Variants in NKAIN3 observed in about 807,000 individuals in gnomAD.
NKAIN3 encodes the protein sodium/potassium transporting ATPase interacting 3.
Under a neutral mutation model 30.2 loss-of-function variants are expected in NKAIN3, and 25 were observed. The observed-to-expected ratio is 0.83, with a 90% CI of 0.60 to 1.16. The LOEUF (loss-of-function observed/expected upper bound fraction) is 1.16. NKAIN3 is among the 50% of genes most tolerant of loss of function. The probability of loss-of-function intolerance (pLI) is 0.00; values close to 1 mark genes in which losing one functional copy is unlikely to be tolerated. For missense variants in NKAIN3, 225 were observed against 254.1 expected (o/e 0.89, Z 0.78); for synonymous variants, 91 against 89.6 (o/e 1.02, Z -0.09).
At chr8:62,611,106 T>C (rs35460576) in intron 3 of NKAIN3, among the ~76,000 whole-genome samples, 26,797 of 152,054 alleles carry the variant, frequency 0.18, 2,791 homozygotes, top group East Asian at 0.32. Flanking sequence ...GAAAATATTT[T>C]TGAAATTTAG....
intron 1 of NKAIN3, among the ~76,000 whole-genome samples, chr8:62,551,688 T>G (rs539207929): frequency 4.6e-5 from 7 of 152,314 alleles, no homozygotes; most frequent in African/African-American, 1.7e-4. Context: ...AGCAGAGGTA[T>G]ATCATTATAA....
chr8:62,333,491 A>G (rs1018488495), intron 1 of NKAIN3, among the ~76,000 whole-genome samples: 2 of 152,060 alleles, frequency 1.3e-5, no homozygotes, highest in Admixed American at 6.6e-5. Context: ...TTTAATGTCA[A>G]TTAAGAAACA....
At chr8:62,509,697 G>A (rs1807760565) in intron 1 of NKAIN3, among the ~76,000 whole-genome samples, 1 of 151,924 alleles carries the variant, frequency 6.6e-6, no homozygotes, top group South Asian at 2.1e-4. Context: ...CTCTGACTTC[G>A]GTTCTTCTAC....
At chr8:62,264,898 A>G (rs1054982811) in intron 1 of NKAIN3, among the ~76,000 whole-genome samples, 9 of 152,104 alleles carry the variant, frequency 5.9e-5, no homozygotes, top group Non-Finnish European at 1.3e-4. Context: ...TGTGAATGTG[A>G]CACTCTCATG....
At chr8:62,652,910 T>C (rs569772911) in intron 3 of NKAIN3, among the ~76,000 whole-genome samples, 2 of 152,244 alleles carry the variant, frequency 1.3e-5, no homozygotes, top group South Asian at 2.1e-4. Context: ...CCTGAAGCCA[T>C]AGATCTGAAC....
intron 3 of NKAIN3, among the ~76,000 whole-genome samples, chr8:62,600,799 C>T (rs1425106742): frequency 6.6e-6 from 1 of 151,994 alleles, no homozygotes; most frequent in Non-Finnish European, 1.5e-5. Flanking sequence ...CATGAGGGTC[C>T]TCTTTTTAAA....
chr8:62,324,589 T>C (rs984479317), intron 1 of NKAIN3, among the ~76,000 whole-genome samples: 1 of 152,138 alleles, frequency 6.6e-6, no homozygotes, highest in African/African-American at 2.4e-5. Context: ...TCAGGAAATA[T>C]TCATTACAAG....
chr8:62,796,650 C>T (rs1327949322), intron 4 of NKAIN3, among the ~76,000 whole-genome samples: 1 of 151,962 alleles, frequency 6.6e-6, no homozygotes, highest in Admixed American at 6.6e-5. Flanking sequence ...TTGTTTACAC[C>T]CAGACTCTAG....
In NKAIN3 at chr8:62,290,607, A is replaced by G. The variant is rs28845543; in HGVS notation, c.54+41480A>G. The stretch of plus-strand genomic sequence containing the variant: ...GATGAGACCAACTTGCTCATGGTGG[A>G]TAAGCTTTTTGATGTGCTGCTGGAT... On this transcript the variant is annotated intron_variant, in intron 1 of 6. Transcript: ENST00000623646. Among the ~76,000 whole-genome samples, 8 of 152,282 alleles carry G rather than the reference A, an allele frequency of 5.3e-5. No individual in the cohort carries two copies. The South Asian group carries it at 1.7e-3, about 32-fold the overall frequency.
At chr8:62,796,789 T>TACATACACACACACACACAC (rs1817874706) in intron 4 of NKAIN3, among the ~76,000 whole-genome samples, 1 of 146,064 alleles carries the variant, frequency 6.8e-6, no homozygotes, top group Non-Finnish European at 1.5e-5. Flanking sequence ...GTATCACACA[T>TACATACACACACACACACAC]ACACACACAC....
intron 3 of NKAIN3, among the ~76,000 whole-genome samples, chr8:62,693,037 G>A (rs1466702032): frequency 6.6e-6 from 1 of 152,140 alleles, no homozygotes; most frequent in Non-Finnish European, 1.5e-5. Context: ...GGAAACACCT[G>A]AACATCCTCT....
At chr8:62,744,512 G>T (rs1816005313) in intron 3 of NKAIN3, among the ~76,000 whole-genome samples, 1 of 152,170 alleles carries the variant, frequency 6.6e-6, no homozygotes, top group African/African-American at 2.4e-5. Flanking sequence ...AGGTCGCTGG[G>T]TAAGAATGCT....
intron 3 of NKAIN3, among the ~76,000 whole-genome samples, chr8:62,724,712 C>T (rs1043599467): frequency 6.6e-6 from 1 of 152,000 alleles, no homozygotes; most frequent in Non-Finnish European, 1.5e-5. Context: ...GACAGGATCT[C>T]ATTCTTTGTT....
chr8:62,307,120 AC>A (rs1454842517), intron 1 of NKAIN3, among the ~76,000 whole-genome samples: 1 of 149,768 alleles, frequency 6.7e-6, no homozygotes, highest in Non-Finnish European at 1.5e-5. Flanking sequence ...AATCTCCTGC[AC>A]CCCATGAGTC....
At chr8:62,945,902 T>C (rs544531626) in intron 5 of NKAIN3, among the ~76,000 whole-genome samples, 3 of 152,272 alleles carry the variant, frequency 2.0e-5, no homozygotes, top group Admixed American at 1.3e-4. Flanking sequence ...TACCTGAGAC[T>C]GAGGGGGACA....
intron 1 of NKAIN3, among the ~76,000 whole-genome samples, chr8:62,302,672 A>T (rs751949469): frequency 6.6e-6 from 1 of 151,612 alleles, no homozygotes; most frequent in Non-Finnish European, 1.5e-5. Flanking sequence ...CTGCATATAG[A>T]TAAAATCCTA....
At chr8:62,879,895 T>G (rs10957251) in intron 4 of NKAIN3, among the ~76,000 whole-genome samples, 105,866 of 152,004 alleles carry the variant, frequency 0.7, 37,582 homozygotes, top group African/African-American at 0.79. Flanking sequence ...GTGCATGTCT[T>G]CATTCATACC....
chr8:62,444,890 T>A (rs904201570), intron 1 of NKAIN3, among the ~76,000 whole-genome samples: 8 of 152,200 alleles, frequency 5.3e-5, no homozygotes, highest in African/African-American at 1.9e-4. Context: ...TCTTTTCTGA[T>A]AAAACCCATT....
At chr8:62,876,791 CAA>C (rs1820808044) in intron 4 of NKAIN3, among the ~76,000 whole-genome samples, 1 of 151,410 alleles carries the variant, frequency 6.6e-6, no homozygotes, top group South Asian at 2.1e-4. Context: ...GAGAGGGTAA[CAA>C]TACACCAGGG....
Sources: allele counts gnomAD v4.1 joint callset (sites outside exome capture counted in the v4.1 genomes callset), GRCh38; gene constraint gnomAD v4.1.1; transcripts MANE v1.5; gene names NCBI Gene and HGNC (gene_info 2026-07-23, HGNC 2026-07-21).